Variants in TRMT44 observed in about 807,000 individuals in gnomAD.
The protein encoded by TRMT44 is tRNA methyltransferase 44 homolog, also known as probable tRNA (uracil-O(2)-)-methyltransferase.
In TRMT44, 78 loss-of-function variants were observed where a neutral mutation model predicts 77.3. That is an observed-to-expected ratio of 1.01 (90% CI 0.84 to 1.22). The LOEUF (loss-of-function observed/expected upper bound fraction) is 1.22, where lower values mean the gene tolerates loss of function less well. Ranked by LOEUF, TRMT44 falls within the 50% of genes most tolerant of loss-of-function variation. The pLI, the probability that TRMT44 is intolerant of heterozygous loss-of-function variation, is 0.00. For missense variants in TRMT44, 1,090 were observed against 964.4 expected, an observed-to-expected ratio of 1.13 and a Z score of -1.73; for synonymous variants, 391 against 383.3, an observed-to-expected ratio of 1.02 and a Z score of -0.23.
At chr4:8,449,962 T>C (rs1371434831) in intron 3 of TRMT44, 74 bp downstream of exon 3, 94 of 827,132 alleles carry the variant, frequency 1.1e-4, no homozygotes, top group South Asian at 2.5e-4. Flanking sequence ...TTTTTTTTTT[T>C]TTTTTTTTTT....
chr4:8,515,643 G>GGAGGCGGGGCAGGGAGCA, the TRMT44 span, among the ~76,000 whole-genome samples: 1 of 152,176 alleles, frequency 6.6e-6, no homozygotes. Flanking sequence ...GGGCCATGCA[G>GGAGGCGGGGCAGGGAGCA]GAGGCGGGGC....
In TRMT44 at chr4:8,468,117, T is replaced by G; in HGVS notation, c.1698T>G (p.Cys566Trp). ...GQQALDARVG[C>W]VTRAWAAEHG... ...AAGCTCTGGACGCCAGGGTCGGGTGTGTAACCAGGGCCTGGGCCGCTGAGC... is the reference window on the plus strand; with the variant it reads ...AAGCTCTGGACGCCAGGGTCGGGTGGGTAACCAGGGCCTGGGCCGCTGAGC... Residue 566 changes from cysteine to tryptophan, a missense_variant, in exon 9 of 11, where the codon TGT becomes TGG. Physicochemically the swap from Cys to Trp is radical, Grantham distance 215 (BLOSUM62 -2). Coordinates refer to ENST00000389737, the MANE Select transcript of TRMT44 (RefSeq NM_152544.3). 6.2e-7 allele frequency: 1 copy of G among 1,613,928 alleles called. No individual in the cohort carries two copies. The highest frequency in any genetic ancestry group is 8.5e-7 in the Non-Finnish European group (1 of 1,179,982).
Position 8,446,826 on chromosome 4 carries a change from G to T in TRMT44, c.734+236G>T, listed in dbSNP as rs748804060. Among the ~76,000 whole-genome samples, 4 of 152,152 alleles carry T rather than the reference G, an allele frequency of 2.6e-5. No homozygotes were observed. The highest frequency in any genetic ancestry group is 4.4e-5 in the Non-Finnish European group (3 of 68,038). ...GTTTCTGATCTCTACCTTCCCTGTG[G>T]CTGTGATGATCAGCAGCCCTTAGCA... On this transcript the variant is annotated intron_variant, in intron 2 of 10. Coordinates refer to ENST00000389737, the MANE Select transcript of TRMT44 (RefSeq NM_152544.3). The surrounding 1 kb of genome is among the most constrained non-coding windows in gnomAD (Gnocchi z 4.3).
downstream of TRMT44, among the ~76,000 whole-genome samples, chr4:8,496,967 A>G (rs780405437): frequency 4.6e-5 from 7 of 152,316 alleles, no homozygotes; most frequent in Admixed American, 6.5e-5. Context: ...AAAAATAAAT[A>G]CTGCGTTTCT....
intron 10 of TRMT44, 64 bp downstream of exon 10, chr4:8,471,264 ATG>A: frequency 1.7e-6 from 2 of 1,203,570 alleles, no homozygotes; most frequent in Non-Finnish European, 2.4e-6. Context: ...CAGTTAAATA[ATG>A]TTTTATTTTA....
chr4:8,480,333 G>A (rs538455938), downstream of TRMT44, among the ~76,000 whole-genome samples: 4 of 152,244 alleles, frequency 2.6e-5, no homozygotes, highest in South Asian at 8.3e-4. Flanking sequence ...TTTGACTTGG[G>A]GTCTTATATA....
Position 8,452,817 on chromosome 4 carries a change from G to T in TRMT44, c.1024-65G>T. On this transcript the variant is annotated intron_variant, in intron 4 of 10. Coordinates refer to ENST00000389737, the MANE Select transcript of TRMT44 (RefSeq NM_152544.3). The surrounding 1 kb of genome is among the most constrained non-coding windows in gnomAD (Gnocchi z 5.7). ...TCAGAGTTTTCTTTGACCAGTTTGT[G>T]TCTAAATTATTCTTGCGTAGAGTGA... The T allele has an allele frequency of 2.3e-6, 2 of 876,826 alleles. No individual in the cohort carries two copies. The highest frequency in any genetic ancestry group is 1.7e-5 in the South Asian group (1 of 57,606). 54.3% of individuals were successfully genotyped at this position (876,826 alleles called of 1,614,324 possible).
downstream of TRMT44, among the ~76,000 whole-genome samples, chr4:8,480,063 T>C (rs1235560559): frequency 6.6e-6 from 1 of 152,126 alleles, no homozygotes; most frequent in Non-Finnish European, 1.5e-5. Flanking sequence ...CTTGAACTCC[T>C]GGACTGAAGC....
rs1332619049 is a variant in TRMT44, at chr4:8,451,043, C to T, written c.955-917C>T. Among the ~76,000 whole-genome samples the T allele has an allele frequency of 5.3e-5, 8 of 152,130 alleles. No homozygotes were observed. The South Asian group carries it at 6.2e-4, about 12-fold the overall frequency. On this transcript the variant is annotated intron_variant, in intron 3 of 10. Coordinates refer to ENST00000389737, the MANE Select transcript of TRMT44 (RefSeq NM_152544.3). The surrounding 1 kb of genome is among the most constrained non-coding windows in gnomAD (Gnocchi z 4.1). ...TTGGCCTCCTAAAGTGCTTGGATTACAGGCTTGAGCCACTGCCCGGCTTCC... is the reference window on the plus strand; with the variant it reads ...TTGGCCTCCTAAAGTGCTTGGATTATAGGCTTGAGCCACTGCCCGGCTTCC...
chr4:8,498,924 A>G, the TRMT44 span, among the ~76,000 whole-genome samples: 1 of 152,114 alleles, frequency 6.6e-6, no homozygotes, highest in Non-Finnish European at 1.5e-5. The surrounding 1 kb of genome is among the most constrained non-coding windows in gnomAD (Gnocchi z 4.3). Flanking sequence ...TGCGTGGTCC[A>G]GTTGCCCAGA....
At chr4:8,474,796 G>A (rs1052739590) in intron 10 of TRMT44, among the ~76,000 whole-genome samples, 2 of 152,128 alleles carry the variant, frequency 1.3e-5, no homozygotes, top group African/African-American at 2.4e-5. Flanking sequence ...ACAAGGAAAC[G>A]GCCAAATGGG....
At chr4:8,485,235 A>G (rs910918253) in intron 2 of TRMT44, among the ~76,000 whole-genome samples, 1 of 152,190 alleles carries the variant, frequency 6.6e-6, no homozygotes, top group Non-Finnish European at 1.5e-5. Flanking sequence ...TGAGGGGTGC[A>G]GGGGAATAGT....
rs1726369307 is a variant in TRMT44, at chr4:8,464,226, TG to T, written c.1310+136del. The T allele has an allele frequency of 3.1e-6, 2 of 638,666 alleles. 1 individual carries two copies. Among genetic ancestry groups the T allele is most frequent in the South Asian group, 4.0e-5 (2 of 49,860 alleles). 39.6% of individuals were successfully genotyped at this position (638,666 alleles called of 1,614,324 possible). A position where few individuals can be genotyped will look rare whatever the true frequency, so the allele number is the denominator to read the frequency against. ...ATGTGGGTAGTTCCAATTGTTGAAATGTTTGCTTATTGCCTGTATTGGGTTA... is the reference window on the plus strand; with the variant it reads ...ATGTGGGTAGTTCCAATTGTTGAAATTTTGCTTATTGCCTGTATTGGGTTA... On this transcript the variant is annotated intron_variant, in intron 7 of 10. Coordinates refer to ENST00000389737, the MANE Select transcript of TRMT44 (RefSeq NM_152544.3).
Position 8,441,109 on chromosome 4 carries a change from C to T in TRMT44, c.287C>T (p.Ala96Val). 6.6e-7 allele frequency: 1 copy of T among 1,516,246 alleles called. No homozygotes were observed. 93.9% of individuals were successfully genotyped at this position (1,516,246 alleles called of 1,614,324 possible). Reference protein sequence around the residue: ...RSLSGPEQGTACCELEEAQGQ... With the variant: ...RSLSGPEQGTVCCELEEAQGQ... ...CTATCAGGACCCGAGCAGGGCACGG[C>T]ATGTTGCGAACTTGAGGAGGCCCAG... The change falls in exon 1 of 11, where the codon GCA (alanine) becomes GTA (valine). Residue 96 changes from alanine to valine, a missense_variant. Transcript: ENST00000389737.
chr4:8,471,315 C>G, intron 10 of TRMT44, 115 bp downstream of exon 10: 2 of 757,314 alleles, frequency 2.6e-6, no homozygotes, highest in Non-Finnish European at 4.1e-6. Context: ...ACAGAAGCAG[C>G]AAGTTCCGCG....
chr4:8,500,873 G>A, the TRMT44 span, among the ~76,000 whole-genome samples: 1 of 152,162 alleles, frequency 6.6e-6, no homozygotes, highest in Admixed American at 6.5e-5. Context: ...TGTTGACCAG[G>A]CTGTTCTTGA....
the TRMT44 span, among the ~76,000 whole-genome samples, chr4:8,513,457 G>C: frequency 3.9e-5 from 6 of 152,306 alleles, no homozygotes; most frequent in Admixed American, 3.9e-4. Flanking sequence ...ACAAATCAAG[G>C]TGAGATTTGG....
In TRMT44 at chr4:8,446,756, T is replaced by C. The variant is rs114202888; in HGVS notation, c.734+166T>C. 3.1e-3 allele frequency among the ~76,000 whole-genome samples: 473 copies of C among 152,224 alleles called. 3 individuals carry two copies. Among genetic ancestry groups the C allele is most frequent in the African/African-American group, 0.011 (462 of 41,544 alleles). On this transcript the variant is annotated intron_variant, in intron 2 of 10. Coordinates refer to ENST00000389737, the MANE Select transcript of TRMT44 (RefSeq NM_152544.3). The surrounding 1 kb of genome is among the most constrained non-coding windows in gnomAD (Gnocchi z 4.3). ...TGTGCCCAGGCCATGTTGCTCTTCC[T>C]GTTGGTGCCTGGCCTCGAGTCTGGG...
chr4:8,477,469 G>A (rs1251620277), downstream of TRMT44: 2 of 152,314 alleles, frequency 1.3e-5, no homozygotes, highest in Non-Finnish European at 2.9e-5. Flanking sequence ...GCTCTGACTA[G>A]TGAGGCACAA....
Sources: gnomAD v4.1 joint callset for allele counts (sites outside exome capture counted in the v4.1 genomes callset) on GRCh38, gnomAD v4.1.1 for gene constraint, Gnocchi (gnomAD v3.1) non-coding constraint, MANE v1.5 for transcripts, NCBI Gene and HGNC (gene_info 2026-07-23, HGNC 2026-07-21) for gene names.